The following DMD variants were observed in gnomAD, a reference collection of about 807,000 sequenced individuals.
The protein encoded by DMD is dystrophin.
DMD carries 63 observed loss-of-function variants against 330.1 expected under a neutral mutation model. The observed-to-expected ratio is 0.19, with a 90% CI of 0.16 to 0.24. DMD has a LOEUF of 0.24. Among genes scored for constraint, DMD ranks in the 10% least tolerant of loss-of-function variants. The probability of loss-of-function intolerance (pLI) is 1.00; values close to 1 mark genes in which losing one functional copy is unlikely to be tolerated. For missense variants in DMD, 3,344 were observed against 2,684.1 expected (o/e 1.25, Z -5.43); for synonymous variants, 1,223 against 959.8 (o/e 1.27, Z -5.07).
At chrX:32,529,537 A>T (rs1339672322) in intron 17 of DMD, among the ~76,000 whole-genome samples, 1 of 107,488 alleles carries the variant, frequency 9.3e-6, no homozygotes, top group Non-Finnish European at 1.9e-5. Context: ...AGGATTAGGC[A>T]AAATCAACTT....
intron 7 of DMD, among the ~76,000 whole-genome samples, chrX:32,735,453 A>C (rs1027476873): frequency 1.5e-4 from 17 of 111,307 alleles, no homozygotes; most frequent in Admixed American, 5.7e-4. Flanking sequence ...AGCCCGCATC[A>C]CCAAGTCACT....
At chrX:31,949,082 C>T (rs934903040) in intron 45 of DMD, among the ~76,000 whole-genome samples, 3 of 111,206 alleles carry the variant, frequency 2.7e-5, no homozygotes, top group African/African-American at 9.8e-5. Flanking sequence ...CTTTTTTCTT[C>T]TTTTTCACAA....
At chrX:33,002,853 A>G (rs1354600037) in intron 2 of DMD, among the ~76,000 whole-genome samples, 14 of 26,726 alleles carry the variant, frequency 5.2e-4, no homozygotes, top group African/African-American at 2.9e-3. Flanking sequence ...TTTTCTCGAA[A>G]AAAAAAAAAA....
intron 9 of DMD, among the ~76,000 whole-genome samples, chrX:32,669,739 G>T (rs1022568553): frequency 4.5e-5 from 5 of 111,015 alleles, no homozygotes; most frequent in African/African-American, 1.6e-4. Context: ...CCTTCCTAAA[G>T]GCAAAGTGCC....
chrX:32,679,977 C>G (rs1008519963), intron 9 of DMD, among the ~76,000 whole-genome samples: 1 of 86,230 alleles, frequency 1.2e-5, no homozygotes, highest in Admixed American at 1.6e-4. Context: ...TGCAGTGGCG[C>G]GATCTCGGCT....
At chrX:32,683,037 A>G (rs773487829) in intron 9 of DMD, among the ~76,000 whole-genome samples, 2 of 111,930 alleles carry the variant, frequency 1.8e-5, no homozygotes, top group South Asian at 7.5e-4. Context: ...TAATAACCAG[A>G]TCTAGAATGA....
At chrX:31,674,095 G>A (rs750049579) in intron 53 of DMD, among the ~76,000 whole-genome samples, 1 of 110,924 alleles carries the variant, frequency 9.0e-6, no homozygotes, top group Non-Finnish European at 1.9e-5. Flanking sequence ...TACTAGTGTG[G>A]GTCAATTTGC....
chrX:31,951,161 A>ATATATATATATGTATATATATATATG (rs1244441806), intron 45 of DMD, among the ~76,000 whole-genome samples: 1 of 86,951 alleles, frequency 1.2e-5, no homozygotes, highest in African/African-American at 4.8e-5. Context: ...ATATATATGT[A>ATATATATATATGTATATATATATATG]TATATATATA....
chrX:32,412,040 C>A (rs1255012525), intron 29 of DMD, 127 bp from the exon 30 acceptor site: 5 of 1,190,602 alleles, frequency 4.2e-6, no homozygotes, highest in Non-Finnish European at 5.7e-6. Flanking sequence ...ACAGATTTCG[C>A]AGCTTCCTGG....
chrX:32,106,432 C>T lies in DMD; in HGVS notation c.6438+110484G>A, dbSNP rs191002530. On this transcript the variant is annotated intron_variant, in intron 44 of 78. Transcript: ENST00000357033. The stretch of plus-strand genomic sequence containing the variant: ...GAAACATTAAAGTTAAATTATTTCC[C>T]TCATTTTTGGTAACAGGTTATTAAA... 1.3e-4 allele frequency among the ~76,000 whole-genome samples: 14 copies of T among 111,342 alleles called. No homozygotes were observed. The Admixed American group carries it at 1.3e-3, about 11-fold the overall frequency.
At chrX:32,646,575 C>A (rs956120905) in intron 9 of DMD, among the ~76,000 whole-genome samples, 9 of 111,205 alleles carry the variant, frequency 8.1e-5, no homozygotes, top group Non-Finnish European at 3.8e-5. Context: ...TAATCTCACC[C>A]AGAGAAAATT....
chrX:31,794,532 G>A (rs1211415546), intron 50 of DMD, among the ~76,000 whole-genome samples: 1 of 111,869 alleles, frequency 8.9e-6, no homozygotes, highest in African/African-American at 3.2e-5. Flanking sequence ...TTTTAGATGT[G>A]AGTGAAGATG....
At chrX:31,435,928 A>C (rs2064487568) in intron 60 of DMD, among the ~76,000 whole-genome samples, 1 of 111,707 alleles carries the variant, frequency 9.0e-6, no homozygotes, top group Admixed American at 9.6e-5. Flanking sequence ...TACAAGAACA[A>C]AGAATAAAGC....
chrX:32,694,252 G>A (rs2063487368), intron 9 of DMD, among the ~76,000 whole-genome samples: 1 of 110,911 alleles, frequency 9.0e-6, no homozygotes, highest in Non-Finnish European at 1.9e-5. Context: ...ATCTTATCCT[G>A]GCCGATGGAT....
chrX:33,211,145 A>G, intron 1 of DMD, 137 bp downstream of exon 1: 4 of 681,072 alleles, frequency 5.9e-6, no homozygotes, highest in Admixed American at 6.9e-5. Context: ...ATACATATAT[A>G]TATGCAGTAT....
intron 43 of DMD, among the ~76,000 whole-genome samples, chrX:32,237,331 C>T (rs1328839555): frequency 9.0e-6 from 1 of 111,104 alleles, no homozygotes; most frequent in Non-Finnish European, 1.9e-5. Flanking sequence ...AGAATACCAC[C>T]TCTCAATACA....
Position 31,958,377 on chromosome X carries a change from C to G in DMD, c.6614+9962G>C, listed in dbSNP as rs760093760. On this transcript the variant is annotated intron_variant, in intron 45 of 78. Transcript: ENST00000357033. ...GGGCATCTACTCTTTCCCTAGGGTG[C>G]CCCAAATAAAAAGGGCTCATTTCTT... is the stretch of plus-strand genomic sequence containing the variant. Among the ~76,000 whole-genome samples, 23 of 111,016 alleles carry G rather than the reference C, an allele frequency of 2.1e-4. No homozygotes were observed. In the East Asian group the frequency reaches 5.7e-3, roughly 27 times the overall value.
At chrX:32,528,179 G>T (rs1032705183) in intron 17 of DMD, among the ~76,000 whole-genome samples, 12 of 110,696 alleles carry the variant, frequency 1.1e-4, no homozygotes, top group African/African-American at 4.0e-4. Flanking sequence ...TGTGGTGGTG[G>T]GCACCTGTAA....
At chrX:32,016,651 G>A (rs770442880) in intron 44 of DMD, among the ~76,000 whole-genome samples, 13 of 112,128 alleles carry the variant, frequency 1.2e-4, no homozygotes, top group African/African-American at 4.2e-4. Context: ...TGGATCCCTC[G>A]GTATTTCTTC....
Sources: gnomAD v4.1 joint callset for allele counts (sites outside exome capture counted in the v4.1 genomes callset) on GRCh38, gnomAD v4.1.1 for gene constraint, MANE v1.5 for transcripts, NCBI Gene and HGNC (gene_info 2026-07-23, HGNC 2026-07-21) for gene names.